Variants in CTDSPL2 observed in about 807,000 individuals in gnomAD.
CTDSPL2 encodes the protein CTD small phosphatase like 2, also known as CTD small phosphatase-like protein 2.
In CTDSPL2, 5 loss-of-function variants were observed where a neutral mutation model predicts 60.0. The observed-to-expected ratio is 0.08, with a 90% CI of 0.04 to 0.18. CTDSPL2 has a LOEUF of 0.18. Ranked by LOEUF, CTDSPL2 falls within the 10% of genes least tolerant of loss-of-function variation. The pLI is 1.00. For synonymous variants in CTDSPL2, 186 were observed against 189.3 expected (o/e 0.98, Z 0.14); for missense variants, 370 against 548.8 (o/e 0.67, Z 3.26).
At chr15:44,441,766 C>G (rs1003614865) in intron 1 of CTDSPL2, among the ~76,000 whole-genome samples, 6 of 151,968 alleles carry the variant, frequency 3.9e-5, no homozygotes, top group African/African-American at 1.4e-4. Context: ...TGTTGTTAGG[C>G]TGGTGGTGGC....
intron 2 of CTDSPL2, among the ~76,000 whole-genome samples, chr15:44,462,042 G>T (rs1039183285): frequency 2.0e-5 from 3 of 152,136 alleles, no homozygotes; most frequent in Admixed American, 2.0e-4. Context: ...TCCCAGCTCA[G>T]GTGATGCTCC....
intron 2 of CTDSPL2, among the ~76,000 whole-genome samples, chr15:44,463,520 TCAG>T (rs2080619014): frequency 6.6e-6 from 1 of 152,232 alleles, no homozygotes; most frequent in Non-Finnish European, 1.5e-5. Context: ...GTAACTGAAC[TCAG>T]ATTTTAAAAA....
intron 1 of CTDSPL2, among the ~76,000 whole-genome samples, chr15:44,452,215 T>C (rs1290250003): frequency 1.3e-5 from 2 of 152,230 alleles, no homozygotes; most frequent in South Asian, 2.1e-4. Flanking sequence ...GGCGTTTCAT[T>C]TCTCCAAGGC....
chr15:44,433,546 G>A (rs1442708168), intron 1 of CTDSPL2, among the ~76,000 whole-genome samples: 2 of 151,608 alleles, frequency 1.3e-5, no homozygotes, highest in East Asian at 3.9e-4. Context: ...GCAGTGGCAC[G>A]ATCTCAGCTC....
chr15:44,469,227 T>TTGG (rs2140733035), intron 2 of CTDSPL2, among the ~76,000 whole-genome samples: 1 of 152,300 alleles, frequency 6.6e-6, no homozygotes, highest in Non-Finnish European at 1.5e-5. Context: ...CACGTGAGCA[T>TTGG]AAGGGGGAAC....
chr15:44,460,657 A>G (rs996072985), intron 2 of CTDSPL2, among the ~76,000 whole-genome samples: 3 of 152,102 alleles, frequency 2.0e-5, no homozygotes, highest in African/African-American at 7.2e-5. Context: ...AAGATTTGGA[A>G]GTATTCTTGG....
At chr15:44,483,464 G>C (rs1595745729) in intron 2 of CTDSPL2, among the ~76,000 whole-genome samples, 1 of 152,006 alleles carries the variant, frequency 6.6e-6, no homozygotes, top group Non-Finnish European at 1.5e-5. Flanking sequence ...CCTGAACTCA[G>C]GAGGTTGAGG....
chr15:44,453,198 G>A (rs1421745532), intron 1 of CTDSPL2, among the ~76,000 whole-genome samples: 1 of 152,106 alleles, frequency 6.6e-6, no homozygotes, highest in Non-Finnish European at 1.5e-5. Context: ...AGTGGTGAGA[G>A]GGGCCGTCCT....
intron 8 of CTDSPL2, among the ~76,000 whole-genome samples, chr15:44,506,433 T>TTTTG (rs2081467095): frequency 7.0e-6 from 1 of 143,428 alleles, no homozygotes; most frequent in African/African-American, 2.8e-5. Flanking sequence ...TTTTTTTTTT[T>TTTTG]GGAGGCATGG....
rs2081840068 is a variant in CTDSPL2, at chr15:44,524,377, A to C, written c.*203A>C. The stretch of plus-strand genomic sequence containing the variant: ...CGAATACATATAGTAGGTAGGCTAA[A>C]ACAGAAGAGTCTTTAGAACTAGTGC... On this transcript the variant is annotated 3_prime_UTR_variant, in exon 13 of 13. Transcript: ENST00000260327. 1.8e-6 allele frequency: 1 copy of C among 543,422 alleles called. No individual in the cohort carries two copies. Among genetic ancestry groups the C allele is most frequent in the Admixed American group, 3.3e-5 (1 of 30,212 alleles). The allele number at this position is 543,422 out of a possible 1,614,324, so 33.7% of individuals were successfully genotyped here. A position where few individuals can be genotyped will look rare whatever the true frequency, so the allele number is the denominator to read the frequency against.
intron 1 of CTDSPL2, among the ~76,000 whole-genome samples, chr15:44,443,550 TC>T (rs1275808262): frequency 6.6e-6 from 1 of 152,244 alleles, no homozygotes; most frequent in African/African-American, 2.4e-5. Flanking sequence ...TTCTCCACAT[TC>T]TTGCCGGCAA....
chr15:44,462,968 G>C (rs1203034715), intron 2 of CTDSPL2, among the ~76,000 whole-genome samples: 1 of 151,932 alleles, frequency 6.6e-6, no homozygotes, highest in Non-Finnish European at 1.5e-5. Context: ...GCCTCCCAAA[G>C]TGTTGGGATT....
chr15:44,456,608 T>A (rs1374844242), intron 1 of CTDSPL2, among the ~76,000 whole-genome samples: 1 of 152,188 alleles, frequency 6.6e-6, no homozygotes, highest in Non-Finnish European at 1.5e-5. Context: ...TGTCATTTTT[T>A]ACTGCGTCTA....
intron 1 of CTDSPL2, among the ~76,000 whole-genome samples, chr15:44,456,877 T>G (rs2080456788): frequency 6.7e-6 from 1 of 148,312 alleles, no homozygotes; most frequent in Non-Finnish European, 1.5e-5. Context: ...TTTTTTTTTT[T>G]GTTTTTTTTT....
intron 8 of CTDSPL2, among the ~76,000 whole-genome samples, chr15:44,505,016 TAAAA>T (rs959582831): frequency 1.3e-5 from 2 of 152,066 alleles, no homozygotes; most frequent in African/African-American, 4.8e-5. Flanking sequence ...ATTAATTGGC[TAAAA>T]AAAGGAAAAG....
chr15:44,432,575 G>A (rs563694679), intron 1 of CTDSPL2, among the ~76,000 whole-genome samples: 6 of 151,140 alleles, frequency 4.0e-5, no homozygotes, highest in South Asian at 4.2e-4. Flanking sequence ...CCACTTTGGC[G>A]TCCCAAAGTG....
intron 2 of CTDSPL2, among the ~76,000 whole-genome samples, chr15:44,472,495 G>C (rs994312921): frequency 6.6e-6 from 1 of 150,548 alleles, no homozygotes; most frequent in Non-Finnish European, 1.5e-5. Context: ...TTAGAGAAAT[G>C]TCTGGTATTT....
rs772087408 is a variant in CTDSPL2, at chr15:44,490,955, A to G, written c.647A>G (p.Glu216Gly). 22 of 1,614,060 alleles carry G rather than the reference A, an allele frequency of 1.4e-5. No homozygotes were observed. The highest frequency in any genetic ancestry group is 1.7e-5 in the Non-Finnish European group (20 of 1,180,024). The change falls in exon 5 of 13, where the codon GAA (glutamate) becomes GGA (glycine). Residue 216 changes from glutamate to glycine, a missense_variant. This residue lies in a region of CTDSPL2 where 287 missense variants were observed against 296.1 expected (regional missense o/e 0.97). Transcript: ENST00000260327. ...QVRPSLNNGLEEAEETVNRDI... is the reference protein window; with the variant it reads ...QVRPSLNNGLGEAEETVNRDI... ...AGACCATCACTAAACAATGGTTTAGAAGAAGCAGAAGAAACAGTTAATCGT... is the reference window on the plus strand; with the variant it reads ...AGACCATCACTAAACAATGGTTTAGGAGAAGCAGAAGAAACAGTTAATCGT...
chr15:44,484,475 C>CT (rs1236322347), intron 3 of CTDSPL2, 113 bp downstream of exon 3: 2 of 986,906 alleles, frequency 2.0e-6, no homozygotes, highest in African/African-American at 3.3e-5. Flanking sequence ...TGGCTCATGC[C>CT]TGTAATCCTC....
Sources: allele counts gnomAD v4.1 joint callset (sites outside exome capture counted in the v4.1 genomes callset), GRCh38; gene constraint gnomAD v4.1.1; regional missense constraint gnomAD v4.1.1; transcripts MANE v1.5; gene names NCBI Gene and HGNC (gene_info 2026-07-23, HGNC 2026-07-21).